DLG2: variants seen among roughly 807,000 people sequenced by gnomAD.
DLG2 encodes the protein disks large homolog 2.
A neutral mutation model predicts 132.5 loss-of-function variants in DLG2; 45 were observed. The observed-to-expected ratio is 0.34, with a 90% CI of 0.27 to 0.44. DLG2 has a LOEUF of 0.44. Ranked by LOEUF, DLG2 falls within the 20% of genes least tolerant of loss-of-function variation. The pLI is 1.00. For synonymous variants in DLG2, 424 were observed against 419.6 expected (o/e 1.01, Z -0.13); for missense variants, 1,045 against 1,196.9 (o/e 0.87, Z 1.87).
intron 6 of DLG2, among the ~76,000 whole-genome samples, chr11:84,985,684 A>G (rs545288645): frequency 6.6e-6 from 1 of 152,248 alleles, no homozygotes; most frequent in South Asian, 2.1e-4. Context: ...AAATGAAACA[A>G]AAAGCAGGTT....
chr11:83,893,966 T>A (rs1397495967), intron 15 of DLG2, among the ~76,000 whole-genome samples: 1 of 152,230 alleles, frequency 6.6e-6, no homozygotes, highest in Non-Finnish European at 1.5e-5. Context: ...AAATATACCA[T>A]TGGTTTGTAA....
chr11:85,107,993 AAAAC>A (rs2072078913), intron 6 of DLG2, among the ~76,000 whole-genome samples: 3 of 79,936 alleles, frequency 3.8e-5, no homozygotes, highest in African/African-American at 7.9e-5. Context: ...CGAGGGCCAA[AAAAC>A]AAACAAATAA....
chr11:83,758,309 A>G lies in DLG2; in HGVS notation c.1825+28381T>C, dbSNP rs76716748. On this transcript the variant is annotated intron_variant, in intron 18 of 27. Transcript: ENST00000376104. ...CACACGTCTTTCCACATCACATCCA[A>G]TTACCCCACAGAACTATGCACCCCT... 8.7e-3 allele frequency among the ~76,000 whole-genome samples: 1,323 copies of G among 151,854 alleles called. 19 individuals carry two copies. Among genetic ancestry groups the G allele is most frequent in the Non-Finnish European group, 0.013 (901 of 67,912 alleles).
chr11:84,621,605 A>G (rs545907919), intron 6 of DLG2, among the ~76,000 whole-genome samples: 3 of 152,302 alleles, frequency 2.0e-5, no homozygotes, highest in African/African-American at 7.2e-5. Flanking sequence ...CACCAATAAG[A>G]TTTTGGAGAG....
chr11:84,284,175 G>A (rs183238508), intron 7 of DLG2, among the ~76,000 whole-genome samples: 4 of 152,202 alleles, frequency 2.6e-5, no homozygotes, highest in East Asian at 1.9e-4. Context: ...CAGAGGTTGC[G>A]GTGAGCCGAG....
chr11:85,583,124 GTGTGTGTATATATA>G (rs1290587599), intron 3 of DLG2, among the ~76,000 whole-genome samples: 42 of 41,054 alleles, frequency 1.0e-3, no homozygotes, highest in South Asian at 3.8e-3. Context: ...GTGTGTGTGT[GTGTGTGTATATATA>G]TATATATATA....
At chr11:85,196,804 C>T (rs935792150) in intron 4 of DLG2, among the ~76,000 whole-genome samples, 1 of 152,060 alleles carries the variant, frequency 6.6e-6, no homozygotes, top group African/African-American at 2.4e-5. Flanking sequence ...TGGAAAGTAG[C>T]TTTTTCTTGT....
At chr11:85,463,715 G>A (rs1435822777) in intron 3 of DLG2, among the ~76,000 whole-genome samples, 2 of 152,048 alleles carry the variant, frequency 1.3e-5, no homozygotes, top group African/African-American at 2.4e-5. Context: ...AGGCTGCAGG[G>A]AGCTATAATC....
At chr11:83,995,334 T>C (rs1339960237) in intron 11 of DLG2, among the ~76,000 whole-genome samples, 2 of 152,150 alleles carry the variant, frequency 1.3e-5, no homozygotes, top group African/African-American at 2.4e-5. Flanking sequence ...CAAGTGCAAG[T>C]CCACATGTAG....
Position 84,703,866 on chromosome 11 carries a change from A to ATATATATATG in DLG2, c.358-169136_358-169135insCATATATATA, listed in dbSNP as rs1555174825. Among the ~76,000 whole-genome samples, 410 of 118,336 alleles carry ATATATATATG rather than the reference A, an allele frequency of 3.5e-3. 12 individuals are homozygous for ATATATATATG. The highest frequency in any genetic ancestry group is 0.017 in the African/African-American group (386 of 22,444). 77.6% of individuals were successfully genotyped at this position (118,336 alleles called of 152,430 possible). On this transcript the variant is annotated intron_variant, in intron 6 of 27. Coordinates refer to ENST00000376104, the MANE Select transcript of DLG2 (RefSeq NM_001142699.3). ...AAAACTATGTAGTGAAGATATATAT[A>ATATATATATG]TATATATATATATATATACACGTGT...
intron 6 of DLG2, among the ~76,000 whole-genome samples, chr11:84,835,609 T>A (rs1284329726): frequency 6.6e-6 from 1 of 151,728 alleles, no homozygotes; most frequent in Non-Finnish European, 1.5e-5. Flanking sequence ...TTGAACAACA[T>A]GTACAAATGC....
chr11:84,140,205 T>A (rs2094782185), intron 9 of DLG2, among the ~76,000 whole-genome samples: 1 of 152,126 alleles, frequency 6.6e-6, no homozygotes. Flanking sequence ...ATGTATTGAG[T>A]GACCCTTGGG....
intron 18 of DLG2, among the ~76,000 whole-genome samples, chr11:83,674,662 C>G (rs1013604912): frequency 1.1e-4 from 16 of 152,228 alleles, no homozygotes; most frequent in African/African-American, 2.2e-4. Flanking sequence ...CATTTCCTAC[C>G]TGGTCACTGC....
In DLG2 at chr11:83,819,116, C is replaced by T. The variant is rs115821208; in HGVS notation, c.1722+14498G>A. 1.2e-3 allele frequency among the ~76,000 whole-genome samples: 188 copies of T among 152,154 alleles called. 1 individual carries two copies. Among genetic ancestry groups the T allele is most frequent in the African/African-American group, 4.3e-3 (180 of 41,538 alleles). Reference sequence around the variant, plus strand: ...GTCTATATGTGCCTGATGATGATCACGAGCCCCATCAACAAAGGGAGTTCC... The same window carrying T: ...GTCTATATGTGCCTGATGATGATCATGAGCCCCATCAACAAAGGGAGTTCC... On this transcript the variant is annotated intron_variant, in intron 17 of 27. Coordinates refer to ENST00000376104, the MANE Select transcript of DLG2 (RefSeq NM_001142699.3).
At chr11:84,659,333 C>T (rs922038339) in intron 6 of DLG2, among the ~76,000 whole-genome samples, 1 of 151,988 alleles carries the variant, frequency 6.6e-6, no homozygotes, top group Non-Finnish European at 1.5e-5. Flanking sequence ...CCCTCAATTC[C>T]CACTAGGTCT....
intron 19 of DLG2, among the ~76,000 whole-genome samples, chr11:83,565,719 T>C (rs1194819414): frequency 2.0e-5 from 3 of 152,234 alleles, no homozygotes; most frequent in Admixed American, 2.0e-4. Flanking sequence ...TCACAAACAC[T>C]GTAACAAATG....
chr11:85,383,017 A>T (rs796339728), intron 3 of DLG2, among the ~76,000 whole-genome samples: 11 of 152,264 alleles, frequency 7.2e-5, no homozygotes, highest in African/African-American at 2.4e-4. Flanking sequence ...TCCACACAAG[A>T]ATCTGTATGC....
At chr11:85,401,178 TTCA>T (rs2088058080) in intron 3 of DLG2, among the ~76,000 whole-genome samples, 2 of 152,012 alleles carry the variant, frequency 1.3e-5, no homozygotes, top group African/African-American at 4.8e-5. Context: ...GCAAGACTGG[TTCA>T]ACATATGCAA....
intron 3 of DLG2, among the ~76,000 whole-genome samples, chr11:85,458,035 G>A (rs926498845): frequency 2.6e-5 from 4 of 152,142 alleles, no homozygotes; most frequent in Admixed American, 6.5e-5. Context: ...TGTTTTCCAA[G>A]TTGCTTGCTT....
Sources: allele counts gnomAD v4.1 joint callset (sites outside exome capture counted in the v4.1 genomes callset), GRCh38; gene constraint gnomAD v4.1.1; transcripts MANE v1.5; gene names NCBI Gene and HGNC (gene_info 2026-07-23, HGNC 2026-07-21).